RAP2A: variants seen among roughly 807,000 people sequenced by gnomAD.
RAP2A encodes the protein ras-related protein Rap-2a.
RAP2A carries 5 observed loss-of-function variants against 15.1 expected under a neutral mutation model. The observed-to-expected ratio is 0.33, with a 90% confidence interval of 0.17 to 0.70. The LOEUF (loss-of-function observed/expected upper bound fraction) is 0.70, where lower values mean the gene tolerates loss of function less well. RAP2A is among the 30% of genes least tolerant of loss of function. The pLI is 0.68. For missense variants in RAP2A, 111 were observed against 240.3 expected (o/e 0.46, Z 3.56); for synonymous variants, 110 against 99.7 (o/e 1.10, Z -0.62).
chr13:97,454,932 A>C (rs1192980644), intron 1 of RAP2A, among the ~76,000 whole-genome samples: 1 of 151,232 alleles, frequency 6.6e-6, no homozygotes, highest in Admixed American at 6.6e-5. Flanking sequence ...AGTATTGTAA[A>C]GATTGTTCTA....
Position 97,467,447 on chromosome 13 carries a change from A to G in RAP2A, c.*3005A>G, listed in dbSNP as rs552140802. On this transcript the variant is annotated 3_prime_UTR_variant, in exon 2 of 2. Coordinates refer to ENST00000245304, the MANE Select transcript of RAP2A (RefSeq NM_021033.7). ...ATACTACTGATATTTGCTTTTCTAT[A>G]TAAAGAAATGTTGCCTAAGGCTGTC... 1 of 152,674 alleles carries G rather than the reference A, an allele frequency of 6.5e-6. No homozygotes were observed. Among genetic ancestry groups the G allele is most frequent in the East Asian group, 1.9e-4 (1 of 5,188 alleles). 9.5% of individuals were successfully genotyped at this position (152,674 alleles called of 1,614,324 possible). A position where few individuals can be genotyped will look rare whatever the true frequency, so the allele number is the denominator to read the frequency against.
rs2066778061 is a variant in RAP2A at position 97,467,654 on chromosome 13, C to T, written c.*3212C>T. 1 of 146,858 alleles carries T rather than the reference C, an allele frequency of 6.8e-6. No homozygotes were observed. The highest frequency in any genetic ancestry group is 2.2e-4 in the South Asian group (1 of 4,576). 9.1% of individuals were successfully genotyped at this position (146,858 alleles called of 1,614,324 possible). A position where few individuals can be genotyped will look rare whatever the true frequency, so the allele number is the denominator to read the frequency against. On this transcript the variant is annotated 3_prime_UTR_variant, in exon 2 of 2. Coordinates refer to ENST00000245304, the MANE Select transcript of RAP2A (RefSeq NM_021033.7). ...AAGCTTTAATTGTCCCTTAGCCAAT[C>T]AAACATTAAGGACTATGGAGGTCTT...
intron 1 of RAP2A, among the ~76,000 whole-genome samples, chr13:97,456,890 G>A (rs1434131321): frequency 6.6e-6 from 1 of 152,134 alleles, no homozygotes; most frequent in East Asian, 1.9e-4. Flanking sequence ...CAGGTTGGAG[G>A]AAGAGGGCAG....
chr13:97,435,499 C>T (rs2066630233), intron 1 of RAP2A, among the ~76,000 whole-genome samples: 2 of 148,316 alleles, frequency 1.3e-5, no homozygotes, highest in Non-Finnish European at 3.0e-5. Flanking sequence ...ACCACCACAC[C>T]ACCACCACCA....
At chr13:97,437,344 T>A (rs991718632) in intron 1 of RAP2A, 2 of 152,160 alleles carry the variant, frequency 1.3e-5, no homozygotes, top group African/African-American at 4.8e-5. Context: ...GGCTGCCATA[T>A]TGGACAACAG....
intron 1 of RAP2A, chr13:97,436,205 C>A (rs1014912417): frequency 1.3e-5 from 2 of 152,144 alleles, no homozygotes; most frequent in Non-Finnish European, 2.9e-5. Flanking sequence ...TAGCTTTGTA[C>A]TTCTCCAGTA....
chr13:97,464,844 A>T lies in RAP2A; in HGVS notation c.*402A>T, dbSNP rs1015460625. The T allele has an allele frequency of 4.8e-5, 8 of 166,754 alleles. No homozygotes were observed. The highest frequency in any genetic ancestry group is 3.0e-4 in the Admixed American group (5 of 16,684). 10.3% of individuals were successfully genotyped at this position (166,754 alleles called of 1,614,324 possible). On this transcript the variant is annotated 3_prime_UTR_variant, in exon 2 of 2. Transcript: ENST00000245304. ...ATATTTTGTCTTCTTTAAAAAAATA[A>T]GTAAAGGAGAAATATTTTCCTACAA... is the stretch of plus-strand genomic sequence containing the variant.
Position 97,446,945 on chromosome 13 carries a change from T to C in RAP2A, c.314+12161T>C, listed in dbSNP as rs377347971. Reference sequence around the variant, plus strand: ...TAGTAAAATGGCTATTTTAAGCCCCTAAGTTTTGGGATAGTTTTATGCAGC... The same window carrying C: ...TAGTAAAATGGCTATTTTAAGCCCCCAAGTTTTGGGATAGTTTTATGCAGC... On this transcript the variant is annotated intron_variant, in intron 1 of 1. Coordinates refer to ENST00000245304, the MANE Select transcript of RAP2A (RefSeq NM_021033.7). Among the ~76,000 whole-genome samples, 6 of 152,246 alleles carry C rather than the reference T, an allele frequency of 3.9e-5. No homozygotes were observed. The East Asian group carries it at 5.8e-4, about 15-fold the overall frequency.
At chr13:97,443,180 A>G (rs1260996142) in intron 1 of RAP2A, among the ~76,000 whole-genome samples, 1 of 152,216 alleles carries the variant, frequency 6.6e-6, no homozygotes, top group East Asian at 1.9e-4. Context: ...CCTGTAAGAC[A>G]GTAAAACTAT....
intron 1 of RAP2A, among the ~76,000 whole-genome samples, chr13:97,445,236 A>T (rs1025558958): frequency 1.3e-5 from 2 of 152,142 alleles, no homozygotes; most frequent in South Asian, 2.1e-4. Context: ...TCTAAAATAT[A>T]ATTTCTCCTT....
rs2153179717 is a variant in RAP2A at position 97,450,084 on chromosome 13, A to G, written c.315-14121A>G. Among the ~76,000 whole-genome samples, 2 of 152,244 alleles carry G rather than the reference A, an allele frequency of 1.3e-5. 1 individual carries two copies. Among genetic ancestry groups the G allele is most frequent in the South Asian group, 4.1e-4 (2 of 4,830 alleles). ...TTGCAGGATAAATACTCTTCTGTTC[A>G]TAATTTAAAAGTTCCTAAAAATCTT... On this transcript the variant is annotated intron_variant, in intron 1 of 1. Coordinates refer to ENST00000245304, the MANE Select transcript of RAP2A (RefSeq NM_021033.7).
intron 1 of RAP2A, among the ~76,000 whole-genome samples, chr13:97,449,632 G>T (rs2066693896): frequency 6.6e-6 from 1 of 152,090 alleles, no homozygotes; most frequent in Non-Finnish European, 1.5e-5. Context: ...CTGTCAAAAT[G>T]TAACTCTTCA....
chr13:97,444,362 T>A (rs1007330891), intron 1 of RAP2A, among the ~76,000 whole-genome samples: 2 of 152,220 alleles, frequency 1.3e-5, no homozygotes, highest in Non-Finnish European at 2.9e-5. Context: ...TTAACACTTC[T>A]CTTTTTAAAA....
intron 1 of RAP2A, among the ~76,000 whole-genome samples, chr13:97,461,896 G>T (rs1048881729): frequency 1.0e-4 from 15 of 150,288 alleles, no homozygotes; most frequent in Non-Finnish European, 1.9e-4. Flanking sequence ...CCGGGAGGCG[G>T]AGCTTGCAGT....
intron 1 of RAP2A, among the ~76,000 whole-genome samples, chr13:97,462,032 TTA>T (rs1158767725): frequency 7.1e-5 from 10 of 141,540 alleles, no homozygotes; most frequent in South Asian, 4.2e-4. Flanking sequence ...ATTTATATAT[TTA>T]TATATATTTA....
intron 1 of RAP2A, among the ~76,000 whole-genome samples, chr13:97,450,486 A>G (rs2066697614): frequency 6.6e-6 from 1 of 152,078 alleles, no homozygotes; most frequent in African/African-American, 2.4e-5. Context: ...TATGTGCCCG[A>G]GCTTCAGTTT....
chr13:97,458,225 A>G (rs1341235420), intron 1 of RAP2A, among the ~76,000 whole-genome samples: 1 of 152,170 alleles, frequency 6.6e-6, no homozygotes, highest in Non-Finnish European at 1.5e-5. Context: ...GGGGACTTAG[A>G]AAAGCCTTTC....
chr13:97,440,964 C>G (rs146081168), intron 1 of RAP2A, among the ~76,000 whole-genome samples: 3 of 152,218 alleles, frequency 2.0e-5, no homozygotes, highest in African/African-American at 7.2e-5. Context: ...GAACTTCATA[C>G]AGTGAATCAC....
intron 1 of RAP2A, among the ~76,000 whole-genome samples, chr13:97,457,094 C>CTTAA (rs1290871384): frequency 5.9e-5 from 9 of 152,084 alleles, no homozygotes; most frequent in South Asian, 2.1e-4. Flanking sequence ...AACAAGCACT[C>CTTAA]TTAAGCACTA....
Sources: gnomAD v4.1 joint callset for allele counts (sites outside exome capture counted in the v4.1 genomes callset) on GRCh38, gnomAD v4.1.1 for gene constraint, MANE v1.5 for transcripts, NCBI Gene and HGNC (gene_info 2026-07-23, HGNC 2026-07-21) for gene names.